The following WDR7 variants were observed in gnomAD, a reference collection of about 807,000 sequenced individuals.
WDR7 encodes WD repeat-containing protein 7.
A neutral mutation model predicts 169.4 loss-of-function variants in WDR7; 46 were observed. That is an observed-to-expected ratio of 0.27 (90% confidence interval 0.21 to 0.35). The LOEUF is 0.35. WDR7 is among the 10% of genes least tolerant of loss of function. The probability of loss-of-function intolerance (pLI) is 1.00; values close to 1 mark genes in which losing one functional copy is unlikely to be tolerated. For missense variants in WDR7, 1,534 were observed against 1,859.3 expected (o/e 0.83, Z 3.22); for synonymous variants, 612 against 666.8 (o/e 0.92, Z 1.27).
intron 12 of WDR7, among the ~76,000 whole-genome samples, chr18:56,712,206 C>T (rs1276872402): frequency 6.6e-6 from 1 of 152,188 alleles, no homozygotes; most frequent in Non-Finnish European, 1.5e-5. Context: ...GATAAACTAG[C>T]TGTCTCTGAT....
chr18:56,919,714 A>G (rs1371294993), intron 21 of WDR7, among the ~76,000 whole-genome samples: 1 of 152,150 alleles, frequency 6.6e-6, no homozygotes, highest in African/African-American at 2.4e-5. Context: ...CTTGTCCTCC[A>G]TGGTTCTGTT....
At chr18:56,848,182 G>A (rs1363164895) in intron 20 of WDR7, among the ~76,000 whole-genome samples, 1 of 152,212 alleles carries the variant, frequency 6.6e-6, no homozygotes, top group Non-Finnish European at 1.5e-5. Context: ...TCCTGGATGT[G>A]GGGCATGGAG....
At chr18:57,014,017 T>C (rs180828279) in intron 26 of WDR7, among the ~76,000 whole-genome samples, 9 of 152,298 alleles carry the variant, frequency 5.9e-5, no homozygotes, top group Admixed American at 5.9e-4. Flanking sequence ...ATTCCAGTAC[T>C]CAGTCTGGTT....
intron 26 of WDR7, among the ~76,000 whole-genome samples, chr18:57,003,924 G>A (rs2048019018): frequency 6.6e-6 from 1 of 151,750 alleles, no homozygotes; most frequent in Non-Finnish European, 1.5e-5. Context: ...TTTGAATATA[G>A]TATTCCCTCC....
chr18:56,917,191 C>T (rs1038334875), intron 21 of WDR7, among the ~76,000 whole-genome samples: 2 of 151,382 alleles, frequency 1.3e-5, no homozygotes, highest in African/African-American at 4.9e-5. Flanking sequence ...GGTGACATTC[C>T]GTCTCAAAAA....
intron 21 of WDR7, among the ~76,000 whole-genome samples, chr18:56,919,501 G>A (rs1343036186): frequency 4.0e-5 from 2 of 50,620 alleles, no homozygotes; most frequent in East Asian, 5.7e-3. Flanking sequence ...TTCTGTTTTG[G>A]GGAGATGCTC....
intron 12 of WDR7, among the ~76,000 whole-genome samples, chr18:56,699,413 G>A (rs1009282620): frequency 6.6e-6 from 1 of 152,096 alleles, no homozygotes; most frequent in Non-Finnish European, 1.5e-5. Flanking sequence ...TTGTTTAAAC[G>A]TTTTGATTGG....
intron 20 of WDR7, among the ~76,000 whole-genome samples, chr18:56,848,102 G>C (rs946181705): frequency 6.6e-6 from 1 of 152,236 alleles, no homozygotes; most frequent in Non-Finnish European, 1.5e-5. Flanking sequence ...ACCTGCGAGA[G>C]TAGCCACAGA....
At chr18:56,729,631 C>T (rs1178046182) in intron 13 of WDR7, among the ~76,000 whole-genome samples, 1 of 152,024 alleles carries the variant, frequency 6.6e-6, no homozygotes, top group African/African-American at 2.4e-5. Context: ...ATTATTGACA[C>T]AGTCTACTAA....
In WDR7 at chr18:56,840,523, A is replaced by G. The variant is rs1048921864; in HGVS notation, c.3304+24379A>G. On this transcript the variant is annotated intron_variant, in intron 20 of 27. Coordinates refer to ENST00000254442, the MANE Select transcript of WDR7 (RefSeq NM_015285.3). ...TAAGTGTTAAATATTTTTGAGAAAC[A>G]TAAAAGACCATGTTTGACTGGACAC... Among the ~76,000 whole-genome samples, 10 of 152,204 alleles carry G rather than the reference A, an allele frequency of 6.6e-5. 1 individual carries two copies. The highest frequency in any genetic ancestry group is 2.6e-4 in the Admixed American group (4 of 15,268).
chr18:56,926,944 G>A (rs1399315803), intron 22 of WDR7, among the ~76,000 whole-genome samples: 1 of 151,774 alleles, frequency 6.6e-6, no homozygotes, highest in Admixed American at 6.6e-5. Context: ...TGCCCTGTTG[G>A]GCTGCCCCTT....
At chr18:56,887,988 T>C (rs2046218615) in intron 21 of WDR7, among the ~76,000 whole-genome samples, 1 of 151,826 alleles carries the variant, frequency 6.6e-6, no homozygotes, top group African/African-American at 2.4e-5. Context: ...TGGCATCCTA[T>C]TGAATGAGAG....
intron 23 of WDR7, 190 bp downstream of exon 23, chr18:56,936,095 A>G: frequency 1.9e-6 from 1 of 513,152 alleles, no homozygotes; most frequent in Non-Finnish European, 3.4e-6. Flanking sequence ...TGGTGCATTC[A>G]TTACTTCTGC....
chr18:56,867,421 T>C (rs149892132), intron 20 of WDR7, among the ~76,000 whole-genome samples: 2,272 of 152,246 alleles, frequency 0.015, 58 homozygotes, highest in African/African-American at 0.05. Flanking sequence ...TCAATACATA[T>C]ATATTTTCCA....
chr18:56,925,604 T>G (rs2046795252), intron 22 of WDR7, among the ~76,000 whole-genome samples: 2 of 152,160 alleles, frequency 1.3e-5, no homozygotes, highest in East Asian at 3.9e-4. Context: ...GCCCTTTGCT[T>G]TGCCATTCCC....
intron 16 of WDR7, among the ~76,000 whole-genome samples, chr18:56,765,166 A>G (rs945766739): frequency 1.3e-5 from 2 of 152,062 alleles, no homozygotes; most frequent in Admixed American, 6.6e-5. Context: ...TGGGCAGCAT[A>G]TAGTGGGTCT....
intron 1 of WDR7, among the ~76,000 whole-genome samples, chr18:56,656,973 CTAT>C (rs1343135201): frequency 6.6e-6 from 1 of 151,990 alleles, no homozygotes; most frequent in East Asian, 1.9e-4. Context: ...CAAGAAAATG[CTAT>C]TGATTTTCAT....
At chr18:56,931,288 C>G (rs2046880850) in intron 22 of WDR7, among the ~76,000 whole-genome samples, 1 of 152,242 alleles carries the variant, frequency 6.6e-6, no homozygotes, top group South Asian at 2.1e-4. Context: ...TTTCAAACCT[C>G]TGATAGTATG....
intron 7 of WDR7, 35 bp from the exon 8 acceptor site, chr18:56,691,181 A>G (rs2025560712): frequency 1.9e-6 from 3 of 1,588,342 alleles, no homozygotes; most frequent in South Asian, 2.3e-5. Context: ...TTACAACAAT[A>G]TGGAGTAGAT....
Sources: allele counts gnomAD v4.1 joint callset (sites outside exome capture counted in the v4.1 genomes callset), GRCh38; gene constraint gnomAD v4.1.1; transcripts MANE v1.5; gene names NCBI Gene and HGNC (gene_info 2026-07-23, HGNC 2026-07-21).